BICD1: variants seen among roughly 807,000 people sequenced by gnomAD.
BICD1 encodes the protein protein bicaudal D homolog 1.
Under a neutral mutation model 92.5 loss-of-function variants are expected in BICD1, and 35 were observed. That is an observed-to-expected ratio of 0.38 (90% confidence interval 0.29 to 0.50). The LOEUF is 0.50. Ranked by LOEUF, BICD1 falls within the 20% of genes least tolerant of loss-of-function variation. BICD1 has a pLI of 0.93. For synonymous variants in BICD1, 429 were observed against 465.1 expected, an observed-to-expected ratio of 0.92 and a Z score of 1.00; for missense variants, 950 against 1,189.8, an observed-to-expected ratio of 0.80 and a Z score of 2.97.
intron 3 of BICD1, among the ~76,000 whole-genome samples, chr12:32,297,201 T>G (rs1947898709): frequency 1.3e-5 from 2 of 151,934 alleles, no homozygotes; most frequent in Admixed American, 1.3e-4. Context: ...ATCAATAAAG[T>G]TTTTTGGTTT....
At chr12:32,323,356 TG>T (rs1795045665) in intron 4 of BICD1, among the ~76,000 whole-genome samples, 1 of 152,228 alleles carries the variant, frequency 6.6e-6, no homozygotes, top group South Asian at 2.1e-4. Flanking sequence ...GCTAACCAAT[TG>T]TTCACAATAG....
chr12:32,328,344 C>G lies in BICD1; in HGVS notation c.1889C>G (p.Ala630Gly). The change falls in exon 5 of 10, where the codon GCC becomes GGC. Residue 630 changes from alanine (A) to glycine (G), a missense_variant. This residue lies in a region of BICD1 where 309 missense variants were observed against 499.4 expected (regional missense o/e 0.62). Transcript: ENST00000652176. The surrounding 1 kb of genome is among the most constrained non-coding windows in gnomAD (Gnocchi z 4.4). ...KEPMNIYNLN[A>G]IIRDQIKHLQ... ...CCAATGAATATCTACAACCTTAATG[C>G]CATAATCCGGGACCAAATCAAGCAT... The G allele has an allele frequency of 6.2e-7, 1 of 1,614,226 alleles. No individual in the cohort carries two copies. Among genetic ancestry groups the G allele is most frequent in the Non-Finnish European group, 8.5e-7 (1 of 1,180,038 alleles).
intron 2 of BICD1, among the ~76,000 whole-genome samples, chr12:32,277,249 T>C (rs1196645878): frequency 6.6e-6 from 1 of 152,008 alleles, no homozygotes; most frequent in Non-Finnish European, 1.5e-5. Flanking sequence ...GAAAAATTAG[T>C]TGGGCATGGT....
intron 2 of BICD1, among the ~76,000 whole-genome samples, chr12:32,239,588 TA>T (rs1341672464): frequency 1.3e-5 from 2 of 151,216 alleles, no homozygotes; most frequent in East Asian, 4.0e-4. Flanking sequence ...TAGCGTTTTT[TA>T]ACACTCAAGT....
chr12:32,121,062 G>A (rs1479840089), intron 1 of BICD1, among the ~76,000 whole-genome samples: 1 of 148,802 alleles, frequency 6.7e-6, no homozygotes, highest in Non-Finnish European at 1.5e-5. Flanking sequence ...ACCGCCTCCT[G>A]GGTTCAAGTG....
chr12:32,283,168 A>G (rs961579558), intron 2 of BICD1, among the ~76,000 whole-genome samples: 1 of 152,064 alleles, frequency 6.6e-6, no homozygotes, highest in Non-Finnish European at 1.5e-5. Flanking sequence ...GAGAGAAGTA[A>G]ATAACTTGCT....
chr12:32,382,709 A>ATTG lies in BICD1; in HGVS notation c.*5085_*5087dup, dbSNP rs1330024038. The ATTG allele has an allele frequency of 6.6e-6, 1 of 151,926 alleles. No individual in the cohort carries two copies. Among genetic ancestry groups the ATTG allele is most frequent in the Non-Finnish European group, 1.5e-5 (1 of 67,888 alleles). The allele number at this position is 151,926 out of a possible 1,614,324, so 9.4% of individuals were successfully genotyped here. On this transcript the variant is annotated 3_prime_UTR_variant, in exon 10 of 10. Transcript: ENST00000652176. The stretch of plus-strand genomic sequence containing the variant: ...TTTCTTTCAGAATTATTCCTCAATC[A>ATTG]TTGTTCTCTAATGAAAACACCGAGA...
chr12:32,239,515 G>A (rs969079799), intron 2 of BICD1, among the ~76,000 whole-genome samples: 39 of 148,692 alleles, frequency 2.6e-4, no homozygotes, highest in Admixed American at 9.3e-4. Context: ...GCAGTGAGCC[G>A]AGAGCGCACC....
At chr12:32,322,152 G>A (rs1244297350) in intron 4 of BICD1, among the ~76,000 whole-genome samples, 1 of 151,872 alleles carries the variant, frequency 6.6e-6, no homozygotes, top group African/African-American at 2.4e-5. Context: ...TAATTTTTTT[G>A]TCAGGCCAAA....
At chr12:32,109,241 C>CT (rs1941601240) in intron 1 of BICD1, 1 of 152,212 alleles carries the variant, frequency 6.6e-6, no homozygotes, top group Non-Finnish European at 1.5e-5. Flanking sequence ...CATCCCAAGT[C>CT]TTTAACACAA....
intron 8 of BICD1, among the ~76,000 whole-genome samples, chr12:32,345,177 G>T (rs1202906228): frequency 6.6e-6 from 1 of 151,264 alleles, no homozygotes; most frequent in Non-Finnish European, 1.5e-5. Context: ...AGTCCCAGCT[G>T]CTCAGGAGGC....
intron 1 of BICD1, among the ~76,000 whole-genome samples, chr12:32,215,164 G>T (rs888223652): frequency 1.3e-5 from 2 of 151,828 alleles, no homozygotes; most frequent in East Asian, 1.9e-4. Context: ...AGGAGGCAGA[G>T]GTTGCAGTGA....
intron 8 of BICD1, chr12:32,353,987 C>G (rs1245740780): frequency 1.3e-5 from 2 of 152,170 alleles, no homozygotes; most frequent in Non-Finnish European, 2.9e-5. Flanking sequence ...TACCCTCTCC[C>G]CATTTATCCT....
At chr12:32,233,136 A>G (rs1364959924) in intron 2 of BICD1, among the ~76,000 whole-genome samples, 2 of 152,144 alleles carry the variant, frequency 1.3e-5, no homozygotes, top group African/African-American at 2.4e-5. Flanking sequence ...AGCCTGGCCA[A>G]TATGGTGAAA....
rs1555145656 is a variant in BICD1 at position 32,198,323 on chromosome 12, CATCTATCT to C, written c.214-17921_214-17914del. Among the ~76,000 whole-genome samples, 93 of 87,926 alleles carry C rather than the reference CATCTATCT, an allele frequency of 1.1e-3. 7 individuals carry two copies. The highest frequency in any genetic ancestry group is 2.0e-3 in the African/African-American group (49 of 24,924). The allele number at this position is 87,926 out of a possible 152,430, so 57.7% of individuals were successfully genotyped here. A position where few individuals can be genotyped will look rare whatever the true frequency, so the allele number is the denominator to read the frequency against. On this transcript the variant is annotated intron_variant, in intron 1 of 9. Coordinates refer to ENST00000652176, the MANE Select transcript of BICD1 (RefSeq NM_001714.4). ...AGGGGATGATTATGGGAATAATATG[CATCTATCT>C]ATATATATATATATATATATATTCC...
At chr12:32,267,031 G>A (rs938052965) in intron 2 of BICD1, among the ~76,000 whole-genome samples, 1 of 152,180 alleles carries the variant, frequency 6.6e-6, no homozygotes, top group Non-Finnish European at 1.5e-5. Flanking sequence ...ATGGTTCCAT[G>A]GTGCCAGCAC....
intron 1 of BICD1, among the ~76,000 whole-genome samples, chr12:32,196,140 TAGTA>T: frequency 6.6e-6 from 1 of 152,290 alleles, no homozygotes; most frequent in East Asian, 1.9e-4. Flanking sequence ...TGACAAGAGA[TAGTA>T]AGTGTTGGCG....
At chr12:32,205,207 G>A (rs1332864858) in intron 1 of BICD1, among the ~76,000 whole-genome samples, 1 of 152,030 alleles carries the variant, frequency 6.6e-6, no homozygotes, top group Non-Finnish European at 1.5e-5. Context: ...GAATTGTTAG[G>A]AATTTGTTCT....
intron 4 of BICD1, among the ~76,000 whole-genome samples, chr12:32,307,245 A>G (rs1948254370): frequency 6.6e-6 from 1 of 152,196 alleles, no homozygotes; most frequent in East Asian, 1.9e-4. Flanking sequence ...ATACCGTATG[A>G]TTAAAAATAC....
Sources: gnomAD v4.1 joint callset for allele counts (sites outside exome capture counted in the v4.1 genomes callset) on GRCh38, gnomAD v4.1.1 for gene constraint, gnomAD v4.1.1 regional missense constraint, Gnocchi (gnomAD v3.1) non-coding constraint, MANE v1.5 for transcripts, NCBI Gene and HGNC (gene_info 2026-07-23, HGNC 2026-07-21) for gene names.